TENM2: variants seen among roughly 807,000 people sequenced by gnomAD.
TENM2 encodes the protein teneurin-2.
A neutral mutation model predicts 245.2 loss-of-function variants in TENM2; 52 were observed. The observed-to-expected ratio is 0.21, with a 90% confidence interval of 0.17 to 0.27. TENM2 has a LOEUF of 0.27. Among genes scored for constraint, TENM2 ranks in the 10% least tolerant of loss-of-function variants. The pLI is 1.00. For missense variants in TENM2, 3,046 were observed against 3,666.8 expected, an observed-to-expected ratio of 0.83 and a Z score of 4.37; for synonymous variants, 1,363 against 1,438.9, an observed-to-expected ratio of 0.95 and a Z score of 1.19.
chr5:167,316,888 A>C (rs1756395593), intron 1 of TENM2, among the ~76,000 whole-genome samples: 1 of 152,302 alleles, frequency 6.6e-6, no homozygotes, highest in Non-Finnish European at 1.5e-5. Flanking sequence ...GTTCTGCTTT[A>C]TTGTGGCTAA....
intron 2 of TENM2, among the ~76,000 whole-genome samples, chr5:167,733,687 T>G (rs1213803726): frequency 6.6e-6 from 1 of 152,182 alleles, no homozygotes; most frequent in East Asian, 1.9e-4. Flanking sequence ...TGAAACAAAT[T>G]TATTTCTTTT....
the TENM2 span, among the ~76,000 whole-genome samples, chr5:167,215,814 A>T: frequency 1.3e-5 from 2 of 152,326 alleles, no homozygotes; most frequent in African/African-American, 2.4e-5. Context: ...TTTTACTTTC[A>T]GGTATCAATG....
intron 2 of TENM2, among the ~76,000 whole-genome samples, chr5:167,470,454 C>CTTTTTTTTGTTTTTTTTTT (rs1766942007): frequency 2.1e-5 from 1 of 47,394 alleles, no homozygotes; most frequent in African/African-American, 8.4e-5. Flanking sequence ...GCAATGCTTG[C>CTTTTTTTTGTTTTTTTTTT]TTTTTTTTTT....
chr5:167,272,810 C>CA, the TENM2 span, among the ~76,000 whole-genome samples: 2 of 152,106 alleles, frequency 1.3e-5, no homozygotes. Context: ...CACAATGAAA[C>CA]AATGCCTGGG....
chr5:167,219,005 A>G, the TENM2 span, among the ~76,000 whole-genome samples: 4 of 152,194 alleles, frequency 2.6e-5, no homozygotes, highest in Non-Finnish European at 5.9e-5. Context: ...TGTCTGTGCT[A>G]TTAATCACTG....
chr5:167,772,565 T>A (rs1425888551), intron 2 of TENM2, among the ~76,000 whole-genome samples: 1 of 152,146 alleles, frequency 6.6e-6, no homozygotes, highest in Non-Finnish European at 1.5e-5. Context: ...TCTGACGTTT[T>A]CAATTACATA....
intron 1 of TENM2, among the ~76,000 whole-genome samples, chr5:167,315,070 A>G (rs1427137550): frequency 6.6e-6 from 1 of 152,052 alleles, no homozygotes; most frequent in Non-Finnish European, 1.5e-5. Flanking sequence ...ACTTTTTACT[A>G]TAATAAATAA....
At chr5:167,510,121 C>T (rs1434314807) in intron 2 of TENM2, among the ~76,000 whole-genome samples, 3 of 152,150 alleles carry the variant, frequency 2.0e-5, no homozygotes, top group Non-Finnish European at 4.4e-5. Flanking sequence ...AATAAATATT[C>T]GTTCAATTGA....
the TENM2 span, among the ~76,000 whole-genome samples, chr5:167,151,612 G>C: frequency 6.6e-6 from 1 of 151,952 alleles, no homozygotes; most frequent in Non-Finnish European, 1.5e-5. Flanking sequence ...TCCACCTCCC[G>C]GGTTCATGCC....
rs76009366 is a variant in TENM2, at chr5:168,003,786, G to A, written c.1186+10604G>A. ...TCCAAATAAACCAGAAAGCTACCAC[G>A]ATAAAGGAAATTGAGTTTATAGACA... On this transcript the variant is annotated intron_variant, in intron 5 of 28. Transcript: ENST00000518659. Among the ~76,000 whole-genome samples, 52 of 152,276 alleles carry A rather than the reference G, an allele frequency of 3.4e-4. 1 individual carries two copies. In the East Asian group the frequency reaches 6.0e-3, roughly 18 times the overall value.
the TENM2 span, among the ~76,000 whole-genome samples, chr5:167,249,840 C>T: frequency 6.6e-6 from 1 of 151,992 alleles, no homozygotes; most frequent in Non-Finnish European, 1.5e-5. Flanking sequence ...CTATGATAGA[C>T]AGAAACTTTG....
At chr5:167,001,554 A>C in the TENM2 span, among the ~76,000 whole-genome samples, 1 of 152,150 alleles carries the variant, frequency 6.6e-6, no homozygotes, top group African/African-American at 2.4e-5. Context: ...AAAAAAAAAA[A>C]AACATTAACA....
chr5:167,746,039 C>A (rs914023581), intron 2 of TENM2, among the ~76,000 whole-genome samples: 2 of 152,128 alleles, frequency 1.3e-5, no homozygotes, highest in Admixed American at 6.6e-5. Context: ...TCACTTTAAA[C>A]GTATTATTTC....
intron 2 of TENM2, among the ~76,000 whole-genome samples, chr5:167,830,702 G>A (rs1768392914): frequency 6.6e-6 from 1 of 152,156 alleles, no homozygotes; most frequent in Admixed American, 6.5e-5. Context: ...TAGAGAAGCA[G>A]TTAAGAAAAC....
intron 2 of TENM2, among the ~76,000 whole-genome samples, chr5:167,783,220 T>C (rs1397578857): frequency 6.6e-6 from 1 of 150,414 alleles, no homozygotes; most frequent in Admixed American, 6.7e-5. Flanking sequence ...TCTTTTTTCC[T>C]CCTTCCCCCA....
the TENM2 span, among the ~76,000 whole-genome samples, chr5:166,995,857 T>C: frequency 7.0e-6 from 1 of 142,480 alleles, no homozygotes; most frequent in Non-Finnish European, 1.5e-5. Flanking sequence ...TGTTCTCTTA[T>C]AAATGAGGAA....
chr5:167,452,876 C>T (rs530060012), intron 2 of TENM2, among the ~76,000 whole-genome samples: 1 of 137,170 alleles, frequency 7.3e-6, no homozygotes, highest in African/African-American at 2.7e-5. Context: ...CACATGTATA[C>T]ATATGTAACA....
the TENM2 span, among the ~76,000 whole-genome samples, chr5:167,124,010 G>A: frequency 6.6e-6 from 1 of 152,138 alleles, no homozygotes; most frequent in Admixed American, 6.5e-5. Flanking sequence ...ATATAAATAT[G>A]CATTTCTGCA....
chr5:167,494,591 GA>G (rs931191040), intron 2 of TENM2, among the ~76,000 whole-genome samples: 1 of 151,590 alleles, frequency 6.6e-6, no homozygotes, highest in African/African-American at 2.4e-5. Context: ...GGAGAAATAG[GA>G]AAAAAAGAGT....
Sources: gnomAD v4.1 joint callset for allele counts (sites outside exome capture counted in the v4.1 genomes callset) on GRCh38, gnomAD v4.1.1 for gene constraint, MANE v1.5 for transcripts, NCBI Gene and HGNC (gene_info 2026-07-23, HGNC 2026-07-21) for gene names.